Variants in ZNF385B observed in about 807,000 individuals in gnomAD.
The protein encoded by ZNF385B is zinc finger protein 533.
A neutral mutation model predicts 39.2 loss-of-function variants in ZNF385B; 23 were observed. That is an observed-to-expected ratio of 0.59 (90% confidence interval 0.42 to 0.83). ZNF385B has a LOEUF of 0.83. Ranked by LOEUF, ZNF385B falls within the 40% of genes least tolerant of loss-of-function variation. ZNF385B has a pLI of 0.00. For synonymous variants in ZNF385B, 205 were observed against 222.6 expected (o/e 0.92, Z 0.70); for missense variants, 552 against 598.9 (o/e 0.92, Z 0.82).
intron 5 of ZNF385B, among the ~76,000 whole-genome samples, chr2:179,505,887 C>A (rs973543050): frequency 2.0e-5 from 3 of 151,950 alleles, no homozygotes; most frequent in African/African-American, 7.3e-5. Context: ...GTAGTTTTAA[C>A]GAATAATAAA....
At chr2:179,816,040 T>C (rs1707044566) in intron 1 of ZNF385B, among the ~76,000 whole-genome samples, 1 of 151,968 alleles carries the variant, frequency 6.6e-6, no homozygotes, top group Admixed American at 6.6e-5. Flanking sequence ...ATTCAATGTC[T>C]CACCTAAACT....
chr2:179,590,771 T>C (rs1272834578), intron 3 of ZNF385B, among the ~76,000 whole-genome samples: 1 of 152,074 alleles, frequency 6.6e-6, no homozygotes, highest in Admixed American at 6.6e-5. Flanking sequence ...AGTGGCAGTT[T>C]CCTTTGCGCT....
At chr2:179,856,059 A>G (rs995697735) in intron 1 of ZNF385B, among the ~76,000 whole-genome samples, 1 of 152,196 alleles carries the variant, frequency 6.6e-6, no homozygotes, top group Non-Finnish European at 1.5e-5. Flanking sequence ...TTTTTAAAAT[A>G]CTGACATATT....
intron 3 of ZNF385B, among the ~76,000 whole-genome samples, chr2:179,653,277 C>G (rs1301960386): frequency 6.6e-6 from 1 of 152,192 alleles, no homozygotes; most frequent in Non-Finnish European, 1.5e-5. Context: ...ATCTCCCTCA[C>G]TAGACCCCGT....
At chr2:179,446,158 T>C (rs888804741) in intron 7 of ZNF385B, among the ~76,000 whole-genome samples, 20 of 152,224 alleles carry the variant, frequency 1.3e-4, no homozygotes, top group Non-Finnish European at 2.9e-4. Flanking sequence ...ATTGGGTTAC[T>C]ATATTCAGTA....
rs372548333 is a variant in ZNF385B at position 179,666,179 on chromosome 2, T to A, written c.298+103324A>T. Among the ~76,000 whole-genome samples, 10 of 152,228 alleles carry A rather than the reference T, an allele frequency of 6.6e-5. No homozygotes were observed. The East Asian group carries it at 9.7e-4, about 15-fold the overall frequency. On this transcript the variant is annotated intron_variant, in intron 3 of 9. Transcript: ENST00000410066. ...CTATTAACATAAAATCTAAAAAAAA[T>A]TTCATTAAGGAAATCACCATAGGTT...
At chr2:179,670,432 G>A (rs1695810521) in intron 3 of ZNF385B, among the ~76,000 whole-genome samples, 1 of 151,664 alleles carries the variant, frequency 6.6e-6, no homozygotes, top group South Asian at 2.1e-4. Flanking sequence ...CCATACAGAT[G>A]TAACAGTCAT....
intron 3 of ZNF385B, among the ~76,000 whole-genome samples, chr2:179,606,601 A>G (rs567592021): frequency 6.6e-6 from 1 of 152,224 alleles, no homozygotes; most frequent in East Asian, 1.9e-4. Context: ...ACATAATTTA[A>G]AATTTAATAG....
intron 3 of ZNF385B, among the ~76,000 whole-genome samples, chr2:179,607,209 A>G (rs971072597): frequency 7.9e-5 from 12 of 152,034 alleles, no homozygotes; most frequent in Non-Finnish European, 1.5e-5. Flanking sequence ...AAATGTGGGG[A>G]AGCAGGGTGA....
chr2:179,669,922 T>C (rs1333825942), intron 3 of ZNF385B, among the ~76,000 whole-genome samples: 2 of 152,000 alleles, frequency 1.3e-5, no homozygotes, highest in Admixed American at 1.3e-4. Flanking sequence ...GAGATAATGG[T>C]GGTGGTGTGG....
chr2:179,556,128 T>C lies in ZNF385B; in HGVS notation c.299-11159A>G, dbSNP rs188063304. 2.6e-3 allele frequency among the ~76,000 whole-genome samples: 383 copies of C among 148,522 alleles called. 38 individuals are homozygous for C. Among genetic ancestry groups the C allele is most frequent in the African/African-American group, 8.4e-3 (330 of 39,138 alleles). On this transcript the variant is annotated intron_variant, in intron 3 of 9. Transcript: ENST00000410066. ...TTTCAGATGCTGTGGCAATAGAATA[T>C]GTACAGCCAAGTGGTGATTCATTTA...
At chr2:179,792,962 C>T (rs1007686226) in intron 1 of ZNF385B, among the ~76,000 whole-genome samples, 1 of 152,032 alleles carries the variant, frequency 6.6e-6, no homozygotes, top group South Asian at 2.1e-4. Context: ...AGGGTATCAC[C>T]CAGTGTCTTC....
intron 1 of ZNF385B, among the ~76,000 whole-genome samples, chr2:179,778,295 A>G (rs563025539): frequency 1.3e-5 from 2 of 152,180 alleles, no homozygotes; most frequent in African/African-American, 4.8e-5. Context: ...CATAACCAAC[A>G]TAAAAACCTG....
chr2:179,802,274 G>A (rs1004246821), intron 1 of ZNF385B, among the ~76,000 whole-genome samples: 4 of 151,976 alleles, frequency 2.6e-5, no homozygotes, highest in African/African-American at 4.8e-5. Context: ...GGGCATGTTC[G>A]TTTATGTAAT....
chr2:179,627,493 G>A (rs1690766992), intron 3 of ZNF385B, among the ~76,000 whole-genome samples: 2 of 152,052 alleles, frequency 1.3e-5, no homozygotes, highest in African/African-American at 4.8e-5. Context: ...GGAAACAGAG[G>A]GTTCACTTTA....
chr2:179,444,109 T>G (rs951261000), intron 9 of ZNF385B, among the ~76,000 whole-genome samples: 1 of 152,218 alleles, frequency 6.6e-6, no homozygotes, highest in Non-Finnish European at 1.5e-5. Flanking sequence ...ATCCTTAATT[T>G]CTCTCTCTTG....
intron 6 of ZNF385B, among the ~76,000 whole-genome samples, chr2:179,455,808 C>T (rs1382269306): frequency 6.7e-6 from 1 of 149,760 alleles, no homozygotes; most frequent in East Asian, 2.0e-4. Flanking sequence ...AGGAGAATCT[C>T]TTGAACCCAG....
At chr2:179,458,279 A>T (rs2050924655) in intron 6 of ZNF385B, among the ~76,000 whole-genome samples, 1 of 152,044 alleles carries the variant, frequency 6.6e-6, no homozygotes, top group Admixed American at 6.6e-5. Flanking sequence ...ACGAGATCTG[A>T]TGGTTATATA....
chr2:179,619,236 C>T (rs773305841), intron 3 of ZNF385B, among the ~76,000 whole-genome samples: 10 of 152,150 alleles, frequency 6.6e-5, no homozygotes, highest in Non-Finnish European at 1.3e-4. Context: ...ATACTGAAAA[C>T]ACAGCAAGGG....
Sources: allele counts gnomAD v4.1 joint callset (sites outside exome capture counted in the v4.1 genomes callset), GRCh38; gene constraint gnomAD v4.1.1; transcripts MANE v1.5; gene names NCBI Gene and HGNC (gene_info 2026-07-23, HGNC 2026-07-21).